Variants in SEC23IP observed in about 807,000 individuals in gnomAD.
SEC23IP encodes SEC23-interacting protein.
SEC23IP carries 70 observed loss-of-function variants against 113.4 expected under a neutral mutation model. The observed-to-expected ratio is 0.62, with a 90% CI of 0.51 to 0.75. SEC23IP has a LOEUF of 0.75. Ranked by LOEUF, SEC23IP falls within the 30% of genes least tolerant of loss-of-function variation. The probability of loss-of-function intolerance (pLI) is 0.00; values close to 1 mark genes in which losing one functional copy is unlikely to be tolerated. For synonymous variants in SEC23IP, 398 were observed against 421.0 expected, an observed-to-expected ratio of 0.95 and a Z score of 0.67; for missense variants, 1,160 against 1,204.9, an observed-to-expected ratio of 0.96 and a Z score of 0.55.
intron 17 of SEC23IP, among the ~76,000 whole-genome samples, chr10:119,933,409 T>C (rs1376485866): frequency 6.6e-6 from 1 of 152,172 alleles, no homozygotes; most frequent in Non-Finnish European, 1.5e-5. Context: ...CCTTTCACAG[T>C]GGGAGTGGTA....
In SEC23IP at chr10:119,917,928, C is replaced by A. The variant is rs186676928; in HGVS notation, c.1637C>A (p.Thr546Asn). 6.2e-7 allele frequency: 1 copy of A among 1,614,004 alleles called. No homozygotes were observed. Among genetic ancestry groups the A allele is most frequent in the African/African-American group, 1.3e-5 (1 of 75,048 alleles). Reference sequence around the variant, plus strand: ...GATATTTTATTTTATAACAGCCCCACCTACTGTCAGACAATTGTGGAAAAA... The same window carrying A: ...GATATTTTATTTTATAACAGCCCCAACTACTGTCAGACAATTGTGGAAAAA... Reference protein sequence around the residue: ...LLDILFYNSPTYCQTIVEKVG... With the variant: ...LLDILFYNSPNYCQTIVEKVG... The change falls in exon 9 of 19, where the codon ACC becomes AAC. Residue 546 changes from threonine (T) to asparagine (N), a missense_variant. By Grantham distance (65) the Thr-to-Asn change is moderately conservative. Coordinates refer to ENST00000369075, the MANE Select transcript of SEC23IP (RefSeq NM_007190.4).
At chr10:119,903,178 G>C (rs1367809173) in intron 3 of SEC23IP, among the ~76,000 whole-genome samples, 169 bp downstream of exon 3, 1 of 152,182 alleles carries the variant, frequency 6.6e-6, no homozygotes, top group East Asian at 1.9e-4. Flanking sequence ...ACCTGGGTAA[G>C]GTATTTGAAG....
chr10:119,906,942 T>G (rs1854689805), intron 4 of SEC23IP, among the ~76,000 whole-genome samples: 1 of 152,118 alleles, frequency 6.6e-6, no homozygotes, highest in South Asian at 2.1e-4. Context: ...GCCTTGCTTT[T>G]AGAAATTATG....
At chr10:119,932,925 A>G in intron 16 of SEC23IP, 80 bp from the exon 17 acceptor site, 4 of 1,292,190 alleles carry the variant, frequency 3.1e-6, no homozygotes, top group Admixed American at 4.1e-5. Context: ...CAGTATTCTC[A>G]TTGAGCCCAG....
chr10:119,931,949 A>G (rs1161360390), intron 15 of SEC23IP, among the ~76,000 whole-genome samples, 184 bp from the exon 16 acceptor site: 3 of 151,990 alleles, frequency 2.0e-5, no homozygotes, highest in Non-Finnish European at 2.9e-5. Context: ...AAAAAAAGCA[A>G]TAAGACTATC....
rs535987640 is a variant in SEC23IP, at chr10:119,933,573, T to C, written c.2922-113T>C. On this transcript the variant is annotated intron_variant, in intron 17 of 18. Coordinates refer to ENST00000369075, the MANE Select transcript of SEC23IP (RefSeq NM_007190.4). Reference sequence around the variant, plus strand: ...TACACTGAGATTACATTGCTATCATTTGCCCTTCTTAGATAGAGTTGAATA... The same window carrying C: ...TACACTGAGATTACATTGCTATCATCTGCCCTTCTTAGATAGAGTTGAATA... 1.9e-5 allele frequency: 12 copies of C among 643,474 alleles called. 1 individual carries two copies. The South Asian group carries it at 2.3e-4, about 13-fold the overall frequency. 39.9% of individuals were successfully genotyped at this position (643,474 alleles called of 1,614,324 possible).
In SEC23IP at chr10:119,892,932, G is replaced by T. The variant is rs199685693; in HGVS notation, c.150G>T (p.Leu50=). The change falls in exon 1 of 19, where the codon CTG becomes CTT. Residue 50 remains leucine, a synonymous_variant. Transcript: ENST00000369075. ...VTQASASPAS[L]LLPGEDSTDV... Reference sequence around the variant, plus strand: ...AGGCCTCCGCTTCTCCGGCCTCCCTGCTCTTACCGGGAGGTAATAAGGGGA... The same window carrying T: ...AGGCCTCCGCTTCTCCGGCCTCCCTTCTCTTACCGGGAGGTAATAAGGGGA... 1.9e-6 allele frequency: 3 copies of T among 1,612,820 alleles called. No homozygotes were observed. Among genetic ancestry groups the T allele is most frequent in the African/African-American group, 2.7e-5 (2 of 75,012 alleles).
At chr10:119,906,018 G>A (rs189757235) in intron 4 of SEC23IP, among the ~76,000 whole-genome samples, 7 of 152,174 alleles carry the variant, frequency 4.6e-5, no homozygotes, top group African/African-American at 1.7e-4. Context: ...GCTCCTGCCT[G>A]TAATCCCAGC....
intron 9 of SEC23IP, 39 bp from the exon 10 acceptor site, chr10:119,918,354 A>G (rs1367889959): frequency 1.7e-6 from 2 of 1,193,910 alleles, no homozygotes; most frequent in East Asian, 2.3e-5. Flanking sequence ...TTATAAAAGT[A>G]CCTACTACAT....
intron 1 of SEC23IP, among the ~76,000 whole-genome samples, chr10:119,896,132 G>A (rs1049988176): frequency 6.6e-6 from 1 of 152,208 alleles, no homozygotes; most frequent in Admixed American, 6.5e-5. Context: ...TGGGTGTGAG[G>A]AGCAGGGAGC....
rs1854547300 is a variant in SEC23IP at position 119,902,964 on chromosome 10, T to C, written c.862T>C (p.Phe288Leu). Residue 288 changes from phenylalanine (F) to leucine (L), a missense_variant, in exon 3 of 19, where the codon TTT becomes CTT. Coordinates refer to ENST00000369075, the MANE Select transcript of SEC23IP (RefSeq NM_007190.4). Reference protein sequence around the residue: ...EVEYKQLWMPFSVFDSLNLEE... With the variant: ...EVEYKQLWMPLSVFDSLNLEE... ...AGAATACAAACAACTGTGGATGCCT[T>C]TTAGTGTGTTCGACTCTTTGAATCT... The C allele has an allele frequency of 1.2e-6, 2 of 1,614,108 alleles. No homozygotes were observed. Among genetic ancestry groups the C allele is most frequent in the Non-Finnish European group, 1.7e-6 (2 of 1,180,046 alleles).
rs770733672 is a variant in SEC23IP, at chr10:119,932,287, C to T, written c.2727C>T (p.Ile909=). 5 of 1,612,000 alleles carry T rather than the reference C, an allele frequency of 3.1e-6. No homozygotes were observed. In the Admixed American group the frequency reaches 8.4e-5, roughly 27 times the overall value. ...AATTGGAGAAGGTGGCCAATCAGAT[C>T]AAAGAAGAAGAAGAAAAGCAAGTAG... ...QEELEKVANQ[I]KEEEEKQVVE... The change falls in exon 16 of 19, where the codon ATC becomes ATT. Residue 909 remains isoleucine, a synonymous_variant. Transcript: ENST00000369075.
At chr10:119,924,855 G>T (rs976825797) in intron 12 of SEC23IP, among the ~76,000 whole-genome samples, 6 of 152,118 alleles carry the variant, frequency 3.9e-5, no homozygotes, top group Non-Finnish European at 1.5e-5. Context: ...ATGGCTCACT[G>T]CAGCCTCCAC....
In SEC23IP at chr10:119,912,106, G is replaced by C; in HGVS notation, c.1254G>C (p.Gln418His). Residue 418 changes from glutamine (Q) to histidine (H), a missense_variant, in exon 6 of 19, where the codon CAG (glutamine) becomes CAC (histidine). Physicochemically the swap from Gln to His is conservative, Grantham distance 24. Transcript: ENST00000369075. ...PDEWGTTQDG[Q>H]TRPRVVKRGI... Reference sequence around the variant, plus strand: ...AATGGGGCACCACGCAAGATGGACAGACAAGGCCCAGGGTTGTAAAGCGTG... The same window carrying C: ...AATGGGGCACCACGCAAGATGGACACACAAGGCCCAGGGTTGTAAAGCGTG... 1 of 1,614,158 alleles carries C rather than the reference G, an allele frequency of 6.2e-7. No individual in the cohort carries two copies. Among genetic ancestry groups the C allele is most frequent in the South Asian group, 1.1e-5 (1 of 91,084 alleles).
At chr10:119,928,519 G>C (rs944356494) in intron 13 of SEC23IP, among the ~76,000 whole-genome samples, 1 of 152,230 alleles carries the variant, frequency 6.6e-6, no homozygotes, top group Non-Finnish European at 1.5e-5. Flanking sequence ...ATCTAAGTCA[G>C]CACTCCATCA....
intron 16 of SEC23IP, 26 bp from the exon 17 acceptor site, chr10:119,932,979 T>A: frequency 1.2e-6 from 2 of 1,602,058 alleles, no homozygotes; most frequent in Non-Finnish European, 1.7e-6. Flanking sequence ...TGATTGACTT[T>A]GATATTGAAA....
At chr10:119,909,269 A>G (rs1854778898) in intron 5 of SEC23IP, 139 bp downstream of exon 5, 1 of 615,104 alleles carries the variant, frequency 1.6e-6, no homozygotes, top group South Asian at 2.1e-5. Context: ...AAAATACTTT[A>G]TTATTATAGT....
chr10:119,901,353 A>G (rs934272737), intron 2 of SEC23IP, among the ~76,000 whole-genome samples: 2 of 151,276 alleles, frequency 1.3e-5, no homozygotes, highest in Non-Finnish European at 2.9e-5. Flanking sequence ...TTTTTTAGCT[A>G]TCTCCTGCAG....
intron 14 of SEC23IP, among the ~76,000 whole-genome samples, 167 bp downstream of exon 14, chr10:119,929,929 G>A (rs72826465): frequency 0.18 from 26,983 of 152,156 alleles, 2,599 homozygotes; most frequent in Non-Finnish European, 0.22. Context: ...GATTATAGGC[G>A]TGAGCCACTG....
Sources: allele counts gnomAD v4.1 joint callset (sites outside exome capture counted in the v4.1 genomes callset), GRCh38; gene constraint gnomAD v4.1.1; transcripts MANE v1.5; gene names NCBI Gene and HGNC (gene_info 2026-07-23, HGNC 2026-07-21).